The following ERC1 variants were observed in gnomAD, a reference collection of about 807,000 sequenced individuals.
ERC1 encodes ELKS/RAB6-interacting/CAST family member 1.
Under a neutral mutation model 132.0 loss-of-function variants are expected in ERC1, and 56 were observed. The ratio of observed to expected loss-of-function variants is 0.42; its 90% CI spans 0.34 to 0.53. The LOEUF is 0.53. ERC1 is among the 20% of genes least tolerant of loss of function. ERC1 has a pLI of 0.03. For missense variants in ERC1, 1,202 were observed against 1,349.9 expected (o/e 0.89, Z 1.72); for synonymous variants, 478 against 476.1 (o/e 1.00, Z -0.05).
At chr12:1,118,572 G>C (rs1204680221) in intron 7 of ERC1, among the ~76,000 whole-genome samples, 1 of 152,194 alleles carries the variant, frequency 6.6e-6, no homozygotes, top group Non-Finnish European at 1.5e-5. Flanking sequence ...ATAAAAGAAT[G>C]AAAGCTAACT....
At chr12:1,025,123 G>T (rs1966843426) in intron 1 of ERC1, among the ~76,000 whole-genome samples, 1 of 152,152 alleles carries the variant, frequency 6.6e-6, no homozygotes, top group Non-Finnish European at 1.5e-5. Context: ...GTCCCCAGCA[G>T]ATACCAAGGG....
At chr12:1,106,686 A>G (rs1440638502) in intron 4 of ERC1, among the ~76,000 whole-genome samples, 6 of 152,192 alleles carry the variant, frequency 3.9e-5, no homozygotes, top group Non-Finnish European at 7.4e-5. Context: ...TACCCTTTCC[A>G]CATTCACCAC....
At chr12:1,229,750 A>C (rs1196835118) in intron 12 of ERC1, among the ~76,000 whole-genome samples, 1 of 152,134 alleles carries the variant, frequency 6.6e-6, no homozygotes, top group Non-Finnish European at 1.5e-5. Flanking sequence ...TTTGACAAAC[A>C]ACTATTATGT....
intron 12 of ERC1, among the ~76,000 whole-genome samples, chr12:1,195,793 T>A (rs185841548): frequency 6.4e-4 from 93 of 144,936 alleles, no homozygotes; most frequent in Middle Eastern, 3.6e-3. Flanking sequence ...CAATTTCTGA[T>A]TGTTTAAGCC....
intron 16 of ERC1, among the ~76,000 whole-genome samples, chr12:1,378,331 C>T (rs1460845685): frequency 2.0e-5 from 3 of 152,174 alleles, no homozygotes; most frequent in Non-Finnish European, 4.4e-5. Flanking sequence ...GACTGATTGT[C>T]GGCTCTCTGC....
At chr12:1,401,766 AG>A (rs1156889976) in intron 16 of ERC1, among the ~76,000 whole-genome samples, 78 of 137,442 alleles carry the variant, frequency 5.7e-4, no homozygotes, top group South Asian at 1.8e-3. Context: ...AAAAAAAAAA[AG>A]AGTATTTTTA....
At chr12:1,052,951 CAA>C (rs1407309370) in intron 2 of ERC1, among the ~76,000 whole-genome samples, 4 of 149,430 alleles carry the variant, frequency 2.7e-5, no homozygotes, top group African/African-American at 9.9e-5. Context: ...GTCTGGGCAA[CAA>C]GAGTGAAACT....
chr12:1,274,993 C>T (rs148708797), intron 14 of ERC1, among the ~76,000 whole-genome samples: 404 of 152,056 alleles, frequency 2.7e-3, no homozygotes, highest in African/African-American at 8.8e-3. Flanking sequence ...CAAAGTGAGC[C>T]GGTAGCTCTA....
intron 13 of ERC1, among the ~76,000 whole-genome samples, chr12:1,261,477 C>A (rs117252043): frequency 6.6e-6 from 1 of 152,288 alleles, no homozygotes; most frequent in East Asian, 1.9e-4. Context: ...TTGCATCCAT[C>A]TCTTAGTTCG....
intron 3 of ERC1, among the ~76,000 whole-genome samples, chr12:1,085,005 A>G (rs1942795273): frequency 1.6e-5 from 1 of 62,878 alleles, no homozygotes; most frequent in African/African-American, 4.2e-5. Flanking sequence ...CTGGCCCATT[A>G]TTATTATTGT....
chr12:1,170,846 TA>T (rs1327928474), intron 8 of ERC1, among the ~76,000 whole-genome samples: 1 of 152,210 alleles, frequency 6.6e-6, no homozygotes, highest in East Asian at 1.9e-4. Flanking sequence ...TCTGAAAATA[TA>T]TTTTCTTAAG....
In ERC1 at chr12:1,493,551, ATATATATATATATATAT is replaced by A. The variant is rs2094338104; in HGVS notation, c.*3322_*3338del. ...CCATTTAAAAAAAAAAAAAAAAAAT[ATATATATATATATATAT>A]ATATATATATGGATGGGAATCACCA... On this transcript the variant is annotated 3_prime_UTR_variant, in exon 19 of 19. Transcript: ENST00000360905. 12 of 83,500 alleles carry A rather than the reference ATATATATATATATATAT, an allele frequency of 1.4e-4. No homozygotes were observed. Among genetic ancestry groups the A allele is most frequent in the African/African-American group, 5.3e-4 (12 of 22,542 alleles). The allele number at this position is 83,500 out of a possible 1,614,324, so 5.2% of individuals were successfully genotyped here.
At chr12:1,097,579 G>A (rs929045096) in intron 3 of ERC1, among the ~76,000 whole-genome samples, 1 of 152,088 alleles carries the variant, frequency 6.6e-6, no homozygotes, top group South Asian at 2.1e-4. Flanking sequence ...AGTAGCTCTT[G>A]ATCTTATTTT....
At chr12:1,395,867 C>T (rs912210953) in intron 16 of ERC1, among the ~76,000 whole-genome samples, 38 of 151,492 alleles carry the variant, frequency 2.5e-4, no homozygotes, top group Non-Finnish European at 8.8e-5. Flanking sequence ...GTCTTGTGAG[C>T]TTAATTCCAT....
intron 16 of ERC1, among the ~76,000 whole-genome samples, chr12:1,383,300 C>G (rs931801765): frequency 6.6e-6 from 1 of 151,986 alleles, no homozygotes; most frequent in Non-Finnish European, 1.5e-5. Flanking sequence ...TGCTCATTGA[C>G]CTTGGTCTGA....
At chr12:1,301,365 C>T (rs75058077) in intron 15 of ERC1, among the ~76,000 whole-genome samples, 3,687 of 152,212 alleles carry the variant, frequency 0.024, 53 homozygotes, top group Middle Eastern at 0.071. Context: ...CACATGTACA[C>T]ATATGTTCAT....
chr12:1,192,618 G>A (rs1027462067), intron 12 of ERC1, among the ~76,000 whole-genome samples: 1 of 152,172 alleles, frequency 6.6e-6, no homozygotes, highest in Non-Finnish European at 1.5e-5. Flanking sequence ...CAGAAAGCCA[G>A]TCTCGTGCAA....
chr12:1,240,897 TTA>T lies in ERC1; in HGVS notation c.2487+3995_2487+3996del, dbSNP rs535491827. 3.9e-5 allele frequency among the ~76,000 whole-genome samples: 6 copies of T among 152,228 alleles called. No individual in the cohort carries two copies. The South Asian group carries it at 1.2e-3, about 32-fold the overall frequency. On this transcript the variant is annotated intron_variant, in intron 13 of 18. Transcript: ENST00000360905. ...TATATCATTTAAACATTTCCATGAGTTATGTGTTTCATAATGATGCTTGTACT... is the reference window on the plus strand; with the variant it reads ...TATATCATTTAAACATTTCCATGAGTTGTGTTTCATAATGATGCTTGTACT...
chr12:1,264,069 C>T (rs1197410391), intron 14 of ERC1, among the ~76,000 whole-genome samples: 1 of 152,056 alleles, frequency 6.6e-6, no homozygotes, highest in Non-Finnish European at 1.5e-5. Context: ...TCATACCCTG[C>T]CTCATTGAAG....
Sources: allele counts gnomAD v4.1 joint callset (sites outside exome capture counted in the v4.1 genomes callset), GRCh38; gene constraint gnomAD v4.1.1; transcripts MANE v1.5; gene names NCBI Gene and HGNC (gene_info 2026-07-23, HGNC 2026-07-21).